DST: variants seen among roughly 807,000 people sequenced by gnomAD.
DST encodes bullous pemphigoid antigen.
DST carries 253 observed loss-of-function variants against 875.2 expected under a neutral mutation model. The observed-to-expected ratio is 0.29, with a 90% CI of 0.26 to 0.32. The LOEUF is 0.32. Among genes scored for constraint, DST ranks in the 10% least tolerant of loss-of-function variants. The pLI, the probability that DST is intolerant of heterozygous loss-of-function variation, is 1.00. For missense variants in DST, 8,287 were observed against 9,111.6 expected, an observed-to-expected ratio of 0.91 and a Z score of 3.68; for synonymous variants, 3,124 against 3,197.1, an observed-to-expected ratio of 0.98 and a Z score of 0.77.
At chr6:56,844,147 G>C (rs905381789) in intron 4 of DST, 22 of 152,476 alleles carry the variant, frequency 1.4e-4, no homozygotes, top group African/African-American at 5.3e-4. Context: ...GTCACTCTGT[G>C]ACAGCACAGG....
intron 2 of DST, among the ~76,000 whole-genome samples, chr6:56,910,061 T>C (rs753948862): frequency 5.9e-5 from 9 of 152,240 alleles, no homozygotes; most frequent in Non-Finnish European, 1.0e-4. Context: ...CTTTTTAAAA[T>C]CTTTTCTAAT....
intron 9 of DST, among the ~76,000 whole-genome samples, chr6:56,693,613 G>A (rs757570099): frequency 1.6e-4 from 24 of 152,200 alleles, no homozygotes; most frequent in Non-Finnish European, 2.9e-4. Flanking sequence ...AGAGATTTAG[G>A]AAAGTGCCCT....
intron 9 of DST, among the ~76,000 whole-genome samples, chr6:56,697,154 T>C (rs1310736070): frequency 1.3e-5 from 2 of 152,142 alleles, no homozygotes; most frequent in African/African-American, 4.8e-5. Context: ...GTCTACTGTT[T>C]CGTAATCTCT....
chr6:56,843,038 G>A (rs771397667), intron 4 of DST: 57 of 1,446,956 alleles, frequency 3.9e-5, no homozygotes, highest in Middle Eastern at 1.8e-4. Context: ...CGCAGCCCCA[G>A]GGCAGGGACC....
intron 38 of DST, 59 bp from the exon 39 acceptor site, chr6:56,610,621 TA>T: frequency 7.1e-7 from 1 of 1,414,368 alleles, no homozygotes; most frequent in Non-Finnish European, 9.5e-7. Context: ...GATAAAGATG[TA>T]TTAGGTTCAA....
chr6:56,789,823 T>C (rs1017254441), intron 4 of DST, among the ~76,000 whole-genome samples: 1 of 152,240 alleles, frequency 6.6e-6, no homozygotes, highest in Non-Finnish European at 1.5e-5. Context: ...TGTATGTACA[T>C]ACGACATTTT....
chr6:56,482,477 G>A, intron 89 of DST: 1 of 548,290 alleles, frequency 1.8e-6, no homozygotes, highest in Non-Finnish European at 3.1e-6. Context: ...ACTTGTATGT[G>A]AAGATTAGAA....
chr6:56,662,149 A>G (rs1426013092), intron 10 of DST, among the ~76,000 whole-genome samples: 1 of 152,234 alleles, frequency 6.6e-6, no homozygotes, highest in Non-Finnish European at 1.5e-5. Context: ...TAACAAGTTA[A>G]GAAGTGTTTC....
intron 36 of DST, chr6:56,616,655 T>C (rs1378432662): frequency 1.2e-6 from 2 of 1,614,084 alleles, no homozygotes; most frequent in Non-Finnish European, 1.7e-6. Context: ...CAACAACCCC[T>C]GCTGCAGAGC....
Position 56,552,496 on chromosome 6 carries a change from T to C in DST, c.16296A>G (p.Leu5432=), listed in dbSNP as rs1322850978. 1.2e-6 allele frequency: 2 copies of C among 1,613,968 alleles called. No homozygotes were observed. The highest frequency in any genetic ancestry group is 1.7e-6 in the Non-Finnish European group (2 of 1,179,880). ...TGTCATTGCTTGCCATGAGGGCTTC[T>C]AGTTTCTTTAGAAAGGCTTTTATAG... ...KETIKAFLKK[L]EALMASNDNA... The change falls in exon 61 of 104, where the codon CTA becomes CTG. Residue 5432 remains leucine (L), a synonymous_variant. Coordinates refer to ENST00000680361, the MANE Select transcript of DST (RefSeq NM_001374736.1).
chr6:56,701,129 G>A (rs1050664720), intron 8 of DST, among the ~76,000 whole-genome samples: 3 of 151,330 alleles, frequency 2.0e-5, no homozygotes, highest in East Asian at 1.9e-4. Context: ...ACTGGCATGA[G>A]CCACCACACC....
chr6:56,492,575 A>G (rs1237208845), intron 84 of DST, 142 bp from the exon 85 acceptor site: 3 of 896,100 alleles, frequency 3.3e-6, no homozygotes, highest in Non-Finnish European at 3.3e-6. Context: ...TTTGACTTTA[A>G]AAAGGCCTGC....
chr6:56,934,550 ATATAT>A (rs1202931290), intron 2 of DST, among the ~76,000 whole-genome samples: 15 of 116,750 alleles, frequency 1.3e-4, no homozygotes, highest in African/African-American at 5.1e-4. Context: ...TATACATATT[ATATAT>A]TATATTATAT....
chr6:56,761,365 C>G (rs2099616809), intron 4 of DST, among the ~76,000 whole-genome samples: 1 of 152,188 alleles, frequency 6.6e-6, no homozygotes, highest in Non-Finnish European at 1.5e-5. Flanking sequence ...AAATAACTAA[C>G]CCAGCTAACA....
chr6:56,557,943 C>A (rs1273965956), intron 58 of DST, among the ~76,000 whole-genome samples: 7 of 152,070 alleles, frequency 4.6e-5, no homozygotes, highest in Admixed American at 4.6e-4. Context: ...TTATTCTTTC[C>A]CATTCAAATT....
At chr6:56,800,458 GA>G (rs1317794333) in intron 4 of DST, among the ~76,000 whole-genome samples, 1 of 152,002 alleles carries the variant, frequency 6.6e-6, no homozygotes, top group Non-Finnish European at 1.5e-5. Context: ...GTTTGTTTCT[GA>G]AGTTTCTCTA....
chr6:56,527,399 G>T (rs1346207205), intron 68 of DST, 94 bp downstream of exon 68: 8 of 1,445,076 alleles, frequency 5.5e-6, no homozygotes, highest in Admixed American at 2.4e-5. Flanking sequence ...TTCAGCATAT[G>T]TAATGACATA....
intron 4 of DST, among the ~76,000 whole-genome samples, chr6:56,800,900 G>GC (rs2099745890): frequency 6.6e-6 from 1 of 151,570 alleles, no homozygotes; most frequent in Admixed American, 6.6e-5. Flanking sequence ...CACACCTGTA[G>GC]CCCCAGGTAC....
chr6:56,579,610 T>A (rs1322862727), intron 49 of DST, among the ~76,000 whole-genome samples: 1 of 152,086 alleles, frequency 6.6e-6, no homozygotes, highest in Non-Finnish European at 1.5e-5. Context: ...GTAATGACAC[T>A]GAGATGGCTC....
Sources: allele counts gnomAD v4.1 joint callset (sites outside exome capture counted in the v4.1 genomes callset), GRCh38; gene constraint gnomAD v4.1.1; transcripts MANE v1.5; gene names NCBI Gene and HGNC (gene_info 2026-07-23, HGNC 2026-07-21).